The following ECPAS variants were observed in gnomAD, a reference collection of about 807,000 sequenced individuals.
ECPAS encodes Ecm29 proteasome adaptor and scaffold.
A neutral mutation model predicts 255.1 loss-of-function variants in ECPAS; 70 were observed. The ratio of observed to expected loss-of-function variants is 0.27; its 90% CI spans 0.23 to 0.33. ECPAS has a LOEUF of 0.33. Ranked by LOEUF, ECPAS falls within the 10% of genes least tolerant of loss-of-function variation. The pLI is 1.00. For missense variants in ECPAS, 1,817 were observed against 2,206.4 expected, an observed-to-expected ratio of 0.82 and a Z score of 3.54; for synonymous variants, 784 against 775.0, an observed-to-expected ratio of 1.01 and a Z score of -0.19.
chr9:111,434,585 C>CTTTTTTT (rs34507397), intron 7 of ECPAS, among the ~76,000 whole-genome samples: 1 of 109,268 alleles, frequency 9.2e-6, no homozygotes, highest in Non-Finnish European at 1.9e-5. Flanking sequence ...TTCCAGTTAA[C>CTTTTTTT]TTTTTTTTTT....
chr9:111,437,048 TGAA>T lies in ECPAS; in HGVS notation c.597_599del (p.Ser200del). 5 of 1,613,308 alleles carry T rather than the reference TGAA, an allele frequency of 3.1e-6. No individual in the cohort carries two copies. Among genetic ancestry groups the T allele is most frequent in the Non-Finnish European group, 4.2e-6 (5 of 1,179,678 alleles). ...GGATTCCAGAACCTCCGCCACTGTT[TGAA>T]GAAGAACCCTGTGCTGAAGATGAAT... On this transcript the variant is annotated inframe_deletion, in exon 7 of 50. Coordinates refer to ENST00000684092, the MANE Select transcript of ECPAS (RefSeq NM_001364929.1).
chr9:111,445,278 AG>A (rs2098251426), intron 3 of ECPAS, among the ~76,000 whole-genome samples: 1 of 152,068 alleles, frequency 6.6e-6, no homozygotes, highest in Non-Finnish European at 1.5e-5. Flanking sequence ...TACAGGCGTG[AG>A]CCACCGCGCC....
chr9:111,409,528 C>T lies in ECPAS; in HGVS notation c.2550+513G>A, dbSNP rs1194511197. Among the ~76,000 whole-genome samples the T allele has an allele frequency of 2.0e-5, 3 of 151,044 alleles. No homozygotes were observed. The South Asian group carries it at 6.3e-4, about 32-fold the overall frequency. Reference sequence around the variant, plus strand: ...GCAGTGAGCCGAGATCACGCCATTGCACTTTAGCTTGAGCAGCAAGAGCAA... The same window carrying T: ...GCAGTGAGCCGAGATCACGCCATTGTACTTTAGCTTGAGCAGCAAGAGCAA... On this transcript the variant is annotated intron_variant, in intron 23 of 49. Transcript: ENST00000684092.
intron 3 of ECPAS, among the ~76,000 whole-genome samples, chr9:111,445,259 T>C (rs973181221): frequency 1.3e-5 from 2 of 151,920 alleles, no homozygotes; most frequent in Non-Finnish European, 2.9e-5. Flanking sequence ...CCTCCCAAAG[T>C]GTTGGGATTA....
At chr9:111,483,339 C>CCG (rs2098309691) in intron 1 of ECPAS, among the ~76,000 whole-genome samples, 1 of 151,352 alleles carries the variant, frequency 6.6e-6, no homozygotes. Flanking sequence ...CGGCGACGGT[C>CCG]CGCGCCCCGC....
At position 111,393,672 on chromosome 9, in the gene ECPAS, C is replaced by A. The variant is rs767048588; in HGVS notation, c.2977+8G>T. 2.0e-6 allele frequency: 3 copies of A among 1,518,006 alleles called. No homozygotes were observed. The Admixed American group carries it at 5.1e-5, about 26-fold the overall frequency. 94.0% of individuals were successfully genotyped at this position (1,518,006 alleles called of 1,614,324 possible). On this transcript the variant is annotated splice_region_variant and intron_variant, in intron 27 of 49. Transcript: ENST00000684092. ...ATTAAGTTTAGAAATCAAATATTAA[C>A]AACCTACCATCATTTTCTGATAGAA...
intron 10 of ECPAS, among the ~76,000 whole-genome samples, chr9:111,427,446 C>T (rs2098223442): frequency 6.6e-6 from 1 of 152,016 alleles, no homozygotes; most frequent in African/African-American, 2.4e-5. Flanking sequence ...AAAAAAAAAC[C>T]TTGTCTGAAA....
At chr9:111,457,169 A>G (rs1589223188) in intron 2 of ECPAS, among the ~76,000 whole-genome samples, 1 of 152,214 alleles carries the variant, frequency 6.6e-6, no homozygotes, top group Non-Finnish European at 1.5e-5. Context: ...AGCAGTTTCA[A>G]TGAAGTGGTA....
At chr9:111,431,805 T>C (rs2131848488) in intron 8 of ECPAS, among the ~76,000 whole-genome samples, 1 of 152,352 alleles carries the variant, frequency 6.6e-6, no homozygotes, top group African/African-American at 2.4e-5. Context: ...TTTATAAATA[T>C]GCTTCTTCTT....
At chr9:111,395,784 C>G (rs1490885223) in intron 25 of ECPAS, among the ~76,000 whole-genome samples, 1 of 152,152 alleles carries the variant, frequency 6.6e-6, no homozygotes, top group East Asian at 1.9e-4. Context: ...CCTGAAAATT[C>G]CCACTTCAGG....
intron 35 of ECPAS, 101 bp from the exon 36 acceptor site, chr9:111,378,831 A>G: frequency 3.5e-6 from 4 of 1,149,084 alleles, no homozygotes; most frequent in South Asian, 2.3e-5. Flanking sequence ...GCATTAAAGC[A>G]TATTTTCACA....
At chr9:111,467,329 A>C (rs532065151) in intron 2 of ECPAS, among the ~76,000 whole-genome samples, 17 of 152,306 alleles carry the variant, frequency 1.1e-4, no homozygotes, top group African/African-American at 2.6e-4. Context: ...AAAATTATAC[A>C]AGAAAAGTAT....
At chr9:111,483,874 C>T (rs966945775) in intron 1 of ECPAS, 6 of 505,138 alleles carry the variant, frequency 1.2e-5, no homozygotes, top group African/African-American at 1.0e-4. Flanking sequence ...GCTCGCCCAA[C>T]TCACGCCGGT....
chr9:111,421,863 T>C (rs1337111062), intron 15 of ECPAS, 58 bp downstream of exon 15: 1 of 1,574,542 alleles, frequency 6.4e-7, no homozygotes, highest in Non-Finnish European at 8.6e-7. Flanking sequence ...AATTCAAATT[T>C]TGTTCTTAAA....
chr9:111,366,924 A>G (rs2098121064), intron 46 of ECPAS, among the ~76,000 whole-genome samples: 2 of 152,216 alleles, frequency 1.3e-5, no homozygotes, highest in Admixed American at 6.5e-5. Flanking sequence ...GTTCACAAAT[A>G]TTCACTTTCA....
rs149346088 is a variant in ECPAS, at chr9:111,414,463, A to G, written c.1953T>C (p.Ile651=). 23 of 1,614,004 alleles carry G rather than the reference A, an allele frequency of 1.4e-5. No individual in the cohort carries two copies. The Middle Eastern group carries it at 4.9e-4, about 35-fold the overall frequency. Reference sequence around the variant, plus strand: ...CTGCTAACAGCTGCTGAAGCAGGCCAATGTAGATCTGGACAGGGTTAGTCT... The same window carrying G: ...CTGCTAACAGCTGCTGAAGCAGGCCGATGTAGATCTGGACAGGGTTAGTCT... The part of the protein sequence containing the change: ...SGETNPVQIY[I]GLLQQLLAGV... The change falls in exon 19 of 50, where the codon ATT becomes ATC. Residue 651 remains isoleucine, a synonymous_variant. Coordinates refer to ENST00000684092, the MANE Select transcript of ECPAS (RefSeq NM_001364929.1).
At chr9:111,372,366 G>T (rs1589114125) in intron 42 of ECPAS, 63 bp downstream of exon 42, 1 of 1,436,100 alleles carries the variant, frequency 7.0e-7, no homozygotes, top group Non-Finnish European at 9.6e-7. Flanking sequence ...AATAACGAAT[G>T]CAAGTAAAAA....
At chr9:111,469,013 T>C (rs1459698315) in intron 2 of ECPAS, among the ~76,000 whole-genome samples, 1 of 152,158 alleles carries the variant, frequency 6.6e-6, no homozygotes, top group African/African-American at 2.4e-5. Flanking sequence ...TGAAATATCA[T>C]CTCAATTCCC....
intron 1 of ECPAS, among the ~76,000 whole-genome samples, chr9:111,481,455 G>A (rs890995047): frequency 6.6e-6 from 1 of 152,052 alleles, no homozygotes; most frequent in South Asian, 2.1e-4. Context: ...ACAGTGAGCG[G>A]AGATCGCGCC....
Sources: gnomAD v4.1 joint callset for allele counts (sites outside exome capture counted in the v4.1 genomes callset) on GRCh38, gnomAD v4.1.1 for gene constraint, MANE v1.5 for transcripts, NCBI Gene and HGNC (gene_info 2026-07-23, HGNC 2026-07-21) for gene names.